UBE2U: variants seen among roughly 807,000 people sequenced by gnomAD.
UBE2U encodes ubiquitin conjugating enzyme E2 U, also known as ubiquitin-conjugating enzyme E2 U.
Under a neutral mutation model 41.2 loss-of-function variants are expected in UBE2U, and 39 were observed. That is an observed-to-expected ratio of 0.95 (90% CI 0.73 to 1.24). The LOEUF (loss-of-function observed/expected upper bound fraction) is 1.24. Ranked by LOEUF, UBE2U falls within the 50% of genes most tolerant of loss-of-function variation. The pLI is 0.00. For missense variants in UBE2U, 336 were observed against 363.1 expected (o/e 0.93, Z 0.61); for synonymous variants, 107 against 117.8 (o/e 0.91, Z 0.60).
intron 8 of UBE2U, among the ~76,000 whole-genome samples, chr1:64,258,348 T>C (rs748587387): frequency 6.4e-4 from 97 of 152,192 alleles, no homozygotes; most frequent in Non-Finnish European, 1.0e-3. Flanking sequence ...ATACTTTAAG[T>C]TCTAGTGTAC....
rs1652992148 is a variant in UBE2U at position 64,227,985 on chromosome 1, A to G, written c.507-4576A>G. On this transcript the variant is annotated intron_variant, in intron 6 of 9. Coordinates refer to ENST00000371077, the MANE Select transcript of UBE2U (RefSeq NM_001366232.2). ...AAAACTCAATATTATTATATTGTCA[A>G]TTCTTCCCAAATTAAACTGTAGATT... 2.0e-5 allele frequency among the ~76,000 whole-genome samples: 3 copies of G among 152,316 alleles called. No homozygotes were observed. In the South Asian group the frequency reaches 6.2e-4, roughly 32 times the overall value.
At chr1:64,250,673 A>T (rs193115298) in intron 8 of UBE2U, among the ~76,000 whole-genome samples, 2 of 152,234 alleles carry the variant, frequency 1.3e-5, no homozygotes, top group African/African-American at 4.8e-5. Flanking sequence ...CAAATGTCCA[A>T]CAATGATAGA....
intron 8 of UBE2U, among the ~76,000 whole-genome samples, chr1:64,243,813 G>T (rs1445041323): frequency 1.3e-5 from 2 of 151,734 alleles, no homozygotes; most frequent in East Asian, 2.0e-4. Context: ...GTAGAGCTAG[G>T]ATTTTGTCAG....
At chr1:64,230,942 A>G (rs1644552547) in intron 6 of UBE2U, among the ~76,000 whole-genome samples, 2 of 152,316 alleles carry the variant, frequency 1.3e-5, no homozygotes, top group South Asian at 4.1e-4. Context: ...ATGTATTTTT[A>G]TGCTGCATGT....
intron 8 of UBE2U, among the ~76,000 whole-genome samples, chr1:64,248,594 G>T (rs1644959055): frequency 6.7e-6 from 1 of 149,708 alleles, no homozygotes. Context: ...TTAATATTAT[G>T]ACATTTTACT....
chr1:64,243,115 C>T (rs1644862882), intron 8 of UBE2U, among the ~76,000 whole-genome samples: 1 of 152,196 alleles, frequency 6.6e-6, no homozygotes, highest in African/African-American at 2.4e-5. Flanking sequence ...TTCAAAGTTA[C>T]AGGTCAAATT....
At chr1:64,208,355 C>T (rs932681329) in intron 3 of UBE2U, among the ~76,000 whole-genome samples, 1 of 151,986 alleles carries the variant, frequency 6.6e-6, no homozygotes, top group Non-Finnish European at 1.5e-5. Context: ...GCCTGTTATC[C>T]CAGTACTTTG....
intron 8 of UBE2U, among the ~76,000 whole-genome samples, chr1:64,253,661 C>G (rs1353989716): frequency 6.6e-6 from 1 of 152,162 alleles, no homozygotes; most frequent in East Asian, 1.9e-4. Context: ...TCTGCCTAAA[C>G]TAACCTTCGT....
intron 4 of UBE2U, among the ~76,000 whole-genome samples, chr1:64,211,527 C>T (rs1651661911): frequency 6.6e-6 from 1 of 152,186 alleles, no homozygotes; most frequent in East Asian, 1.9e-4. Flanking sequence ...GCAGCCTCAA[C>T]CTCCTGGGCT....
At chr1:64,224,580 G>A (rs1652724079) in intron 6 of UBE2U, among the ~76,000 whole-genome samples, 1 of 152,094 alleles carries the variant, frequency 6.6e-6, no homozygotes, top group Admixed American at 6.6e-5. Flanking sequence ...AAAATTAGTT[G>A]GGCATGGTGG....
intron 8 of UBE2U, among the ~76,000 whole-genome samples, chr1:64,242,966 G>A (rs1003500479): frequency 2.0e-5 from 3 of 152,034 alleles, no homozygotes; most frequent in Non-Finnish European, 4.4e-5. Context: ...GATTCATTAT[G>A]TAATGCCAAC....
At chr1:64,260,565 A>C in intron 8 of UBE2U, 38 bp from the exon 9 acceptor site, 1 of 1,497,320 alleles carries the variant, frequency 6.7e-7, no homozygotes, top group Non-Finnish European at 9.0e-7. Context: ...CCTTACCAAA[A>C]TTCATTTGGG....
At chr1:64,244,210 CA>C in intron 8 of UBE2U, 1 of 1,580,320 alleles carries the variant, frequency 6.3e-7, no homozygotes, top group Non-Finnish European at 8.6e-7. Context: ...AATTCTTAAC[CA>C]CTCTGAACTT....
intron 7 of UBE2U, among the ~76,000 whole-genome samples, chr1:64,234,618 A>T (rs1644632710): frequency 6.6e-6 from 1 of 152,204 alleles, no homozygotes; most frequent in African/African-American, 2.4e-5. Context: ...GCTATTAATT[A>T]TTTTGTGATT....
chr1:64,214,124 C>T (rs1651829452), intron 4 of UBE2U, among the ~76,000 whole-genome samples: 1 of 152,022 alleles, frequency 6.6e-6, no homozygotes, highest in South Asian at 2.1e-4. Flanking sequence ...TGGTTATAAT[C>T]AATATTTTAA....
intron 6 of UBE2U, among the ~76,000 whole-genome samples, chr1:64,224,637 C>T (rs1456454475): frequency 1.3e-5 from 2 of 151,666 alleles, no homozygotes; most frequent in African/African-American, 2.4e-5. Context: ...TCAGGAGAAT[C>T]GCTTGAACCC....
At position 64,214,909 on chromosome 1, in the gene UBE2U, G is replaced by A; in HGVS notation, c.434G>A (p.Arg145Lys). ...KDESLYRTIL[R>K]LFNRPLQMKD... ...GAATCTCTGTACAGAACAATTCTAA[G>A]ACTTTTCAACAGGCCATTACAAAGT... Residue 145 changes from arginine (R) to lysine (K), a missense_variant, in exon 5 of 10, where the codon AGA becomes AAA. By Grantham distance (26) the Arg-to-Lys change is conservative. Transcript: ENST00000371077. 6.2e-7 allele frequency: 1 copy of A among 1,614,062 alleles called. No homozygotes were observed.
At chr1:64,234,061 T>C (rs1271617633) in intron 7 of UBE2U, among the ~76,000 whole-genome samples, 1 of 152,202 alleles carries the variant, frequency 6.6e-6, no homozygotes, top group Non-Finnish European at 1.5e-5. Flanking sequence ...AAAGACCTCT[T>C]CCACTACCAT....
intron 7 of UBE2U, among the ~76,000 whole-genome samples, chr1:64,236,225 A>G (rs1644664137): frequency 6.6e-6 from 1 of 152,192 alleles, no homozygotes. Flanking sequence ...TAAGTGAACA[A>G]TAAGTTCTCA....
Sources: gnomAD v4.1 joint callset for allele counts (sites outside exome capture counted in the v4.1 genomes callset) on GRCh38, gnomAD v4.1.1 for gene constraint, MANE v1.5 for transcripts, NCBI Gene and HGNC (gene_info 2026-07-23, HGNC 2026-07-21) for gene names.